The following FRAS1 variants were observed in gnomAD, a reference collection of about 807,000 sequenced individuals.
The protein encoded by FRAS1 is extracellular matrix organizing protein FRAS1.
In FRAS1, 290 loss-of-function variants were observed where a neutral mutation model predicts 435.2. The observed-to-expected ratio is 0.67, with a 90% confidence interval of 0.61 to 0.73. The LOEUF is 0.73. FRAS1 is among the 30% of genes least tolerant of loss of function. The pLI, the probability that FRAS1 is intolerant of heterozygous loss-of-function variation, is 0.00. For missense variants in FRAS1, 4,860 were observed against 5,001.5 expected (o/e 0.97, Z 0.85); for synonymous variants, 1,800 against 1,851.0 (o/e 0.97, Z 0.71).
Position 78,289,310 on chromosome 4 carries a change from A to T in FRAS1, c.1534+2771A>T, listed in dbSNP as rs62308259. ...CAAACATGCATATAAACACATGTGC[A>T]TATGTTAATACTATTGTTACATATT... On this transcript the variant is annotated intron_variant, in intron 14 of 73. Transcript: ENST00000512123. Among the ~76,000 whole-genome samples the T allele has an allele frequency of 1.9e-3, 284 of 151,906 alleles. 1 individual carries two copies. The highest frequency in any genetic ancestry group is 0.017 in the Middle Eastern group (5 of 294).
At chr4:78,400,919 C>G in intron 30 of FRAS1, 32 bp downstream of exon 30, 1 of 1,608,634 alleles carries the variant, frequency 6.2e-7, no homozygotes, top group Non-Finnish European at 8.5e-7. Context: ...GTGGTTTCAT[C>G]GTTGCATTCA....
chr4:78,111,960 A>C (rs1742743053), intron 2 of FRAS1, among the ~76,000 whole-genome samples: 1 of 152,140 alleles, frequency 6.6e-6, no homozygotes, highest in Non-Finnish European at 1.5e-5. Flanking sequence ...CAAAGATCCC[A>C]GATTAGAAAA....
chr4:78,123,573 G>A (rs914296506), intron 2 of FRAS1, among the ~76,000 whole-genome samples: 1 of 152,202 alleles, frequency 6.6e-6, no homozygotes, highest in Non-Finnish European at 1.5e-5. Context: ...TGGGCAGTAA[G>A]GCCATTTTCA....
At chr4:78,231,966 G>C (rs748088847) in intron 2 of FRAS1, among the ~76,000 whole-genome samples, 2 of 152,068 alleles carry the variant, frequency 1.3e-5, no homozygotes, top group Non-Finnish European at 2.9e-5. Flanking sequence ...GCTATTTTAA[G>C]AGTATTTCTT....
chr4:78,153,198 T>C (rs577011605), intron 2 of FRAS1, among the ~76,000 whole-genome samples: 27 of 152,212 alleles, frequency 1.8e-4, no homozygotes, highest in African/African-American at 6.0e-4. Context: ...CCAGCCTTCA[T>C]TCCCCCCACC....
chr4:78,240,545 A>G (rs922362042), intron 3 of FRAS1, among the ~76,000 whole-genome samples: 1 of 152,218 alleles, frequency 6.6e-6, no homozygotes, highest in African/African-American at 2.4e-5. Flanking sequence ...CCATCTGGGA[A>G]AAATGGCAAT....
intron 2 of FRAS1, among the ~76,000 whole-genome samples, chr4:78,177,245 C>T (rs1011252121): frequency 1.3e-5 from 2 of 152,024 alleles, no homozygotes; most frequent in African/African-American, 4.8e-5. Flanking sequence ...AAGAGGGGGA[C>T]ATGGCTTGAA....
rs1007530977 is a variant in FRAS1, at chr4:78,405,667, C to T, written c.4130-1996C>T. Among the ~76,000 whole-genome samples the T allele has an allele frequency of 3.3e-5, 5 of 152,126 alleles. No individual in the cohort carries two copies. The East Asian group carries it at 9.6e-4, about 29-fold the overall frequency. ...ATCAATTGCCCAATATGTCTAGTGT[C>T]TAGTGTATTAAGATTCGAGTATTCT... On this transcript the variant is annotated intron_variant, in intron 30 of 73. Coordinates refer to ENST00000512123, the MANE Select transcript of FRAS1 (RefSeq NM_025074.7).
Position 78,464,461 on chromosome 4 carries a change from A to G in FRAS1, c.6907A>G (p.Ile2303Val), listed in dbSNP as rs752226780. The part of the protein sequence containing the change: ...GVSEVTQTFH[I>V]TLHPVDDSLP... ...ATTCTAGGTGACTCAGACTTTCCAT[A>G]TCACTCTTCACCCTGTCGATGATTC... Residue 2303 changes from isoleucine (I) to valine (V), a missense_variant, in exon 49 of 74, where the codon ATC becomes GTC. Physicochemically the swap from Ile to Val is conservative, Grantham distance 29 (BLOSUM62 3). Coordinates refer to ENST00000512123, the MANE Select transcript of FRAS1 (RefSeq NM_025074.7). 4.3e-6 allele frequency: 7 copies of G among 1,613,888 alleles called. No homozygotes were observed. The South Asian group carries it at 7.7e-5, about 18-fold the overall frequency.
chr4:78,370,224 C>A (rs1211088993), intron 23 of FRAS1, among the ~76,000 whole-genome samples: 4 of 152,148 alleles, frequency 2.6e-5, no homozygotes, highest in African/African-American at 9.7e-5. Flanking sequence ...GATAACAAGA[C>A]CAGAGGTGGC....
Position 78,082,704 on chromosome 4 carries a change from G to A in FRAS1, c.108+16688G>A, listed in dbSNP as rs539318832. ...CATAATAAGTAGATAGGAAAGGAAA[G>A]ACTTTGTTATAGTCTCTTTGAACTC... is the stretch of plus-strand genomic sequence containing the variant. On this transcript the variant is annotated intron_variant, in intron 2 of 73. Coordinates refer to ENST00000512123, the MANE Select transcript of FRAS1 (RefSeq NM_025074.7). Among the ~76,000 whole-genome samples, 11 of 152,160 alleles carry A rather than the reference G, an allele frequency of 7.2e-5. No individual in the cohort carries two copies. The South Asian group carries it at 2.3e-3, about 32-fold the overall frequency.
chr4:78,242,885 C>T (rs928117743), intron 3 of FRAS1, among the ~76,000 whole-genome samples: 1 of 152,120 alleles, frequency 6.6e-6, no homozygotes, highest in African/African-American at 2.4e-5. Context: ...ATTCTATAAT[C>T]ACAGGTCGTG....
intron 2 of FRAS1, among the ~76,000 whole-genome samples, chr4:78,114,542 C>T (rs540257556): frequency 6.6e-6 from 1 of 152,198 alleles, no homozygotes; most frequent in South Asian, 2.1e-4. Context: ...AGAGGTCCTT[C>T]ATGTCCCTTT....
chr4:78,199,747 T>C (rs1722969334), intron 2 of FRAS1, among the ~76,000 whole-genome samples: 1 of 152,150 alleles, frequency 6.6e-6, no homozygotes, highest in South Asian at 2.1e-4. Context: ...AGAAAATAAG[T>C]AGTGCATTAG....
chr4:78,150,404 T>C (rs1188865782), intron 2 of FRAS1, among the ~76,000 whole-genome samples: 2 of 152,214 alleles, frequency 1.3e-5, no homozygotes, highest in African/African-American at 4.8e-5. Context: ...TCTAATCACT[T>C]GGCATCTTCT....
chr4:78,400,472 A>G (rs547654922), intron 29 of FRAS1, among the ~76,000 whole-genome samples: 56 of 152,214 alleles, frequency 3.7e-4, no homozygotes, highest in Non-Finnish European at 7.5e-4. Flanking sequence ...AAAGAAAGAA[A>G]TGGAGAGACT....
chr4:78,489,046 A>G lies in FRAS1; in HGVS notation c.8924A>G (p.Asp2975Gly). Residue 2975 changes from aspartate to glycine, a missense_variant, in exon 59 of 74, where the codon GAC (aspartate) becomes GGC (glycine). By Grantham distance (94) the Asp-to-Gly change is moderately conservative. Coordinates refer to ENST00000512123, the MANE Select transcript of FRAS1 (RefSeq NM_025074.7). Reference protein sequence around the residue: ...MEDFEERQNADSSRITFLKGD... With the variant: ...MEDFEERQNAGSSRITFLKGD... ...GACTTTGAGGAGAGACAAAATGCAGACTCTTCACGGATTACATTTCTCAAA... is the reference window on the plus strand; with the variant it reads ...GACTTTGAGGAGAGACAAAATGCAGGCTCTTCACGGATTACATTTCTCAAA... The G allele has an allele frequency of 6.2e-7, 1 of 1,613,290 alleles. No individual in the cohort carries two copies. The highest frequency in any genetic ancestry group is 8.5e-7 in the Non-Finnish European group (1 of 1,179,638).
intron 63 of FRAS1, among the ~76,000 whole-genome samples, chr4:78,509,823 G>A (rs562251151): frequency 1.3e-5 from 2 of 152,342 alleles, no homozygotes; most frequent in African/African-American, 4.8e-5. Flanking sequence ...CATGTAGTAA[G>A]CATCCAACAA....
At position 78,255,605 on chromosome 4, in the gene FRAS1, G is replaced by A. The variant is rs151272665; in HGVS notation, c.603+230G>A. Among the ~76,000 whole-genome samples the A allele has an allele frequency of 9.1e-4, 138 of 152,308 alleles. 1 individual carries two copies. The highest frequency in any genetic ancestry group is 3.3e-3 in the African/African-American group (136 of 41,554). On this transcript the variant is annotated intron_variant, in intron 6 of 73. Transcript: ENST00000512123. Reference sequence around the variant, plus strand: ...GCTAATTGTTATATAATGCAACTGAGCCTTGAGGATTCACACAAGGAAGCC... The same window carrying A: ...GCTAATTGTTATATAATGCAACTGAACCTTGAGGATTCACACAAGGAAGCC...
Sources: allele counts gnomAD v4.1 joint callset (sites outside exome capture counted in the v4.1 genomes callset), GRCh38; gene constraint gnomAD v4.1.1; transcripts MANE v1.5; gene names NCBI Gene and HGNC (gene_info 2026-07-23, HGNC 2026-07-21).